The following ARHGAP32 variants were observed in gnomAD, a reference collection of about 807,000 sequenced individuals.
ARHGAP32 encodes rho GTPase-activating protein 32.
ARHGAP32 carries 51 observed loss-of-function variants against 186.5 expected under a neutral mutation model. That is an observed-to-expected ratio of 0.27 (90% confidence interval 0.22 to 0.35). The LOEUF (loss-of-function observed/expected upper bound fraction) is 0.35. Ranked by LOEUF, ARHGAP32 falls within the 10% of genes least tolerant of loss-of-function variation. ARHGAP32 has a pLI of 1.00. For synonymous variants in ARHGAP32, 950 were observed against 964.3 expected (o/e 0.99, Z 0.27); for missense variants, 2,186 against 2,623.5 (o/e 0.83, Z 3.64).
chr11:129,030,457 C>T (rs182338683), intron 11 of ARHGAP32: 7 of 152,068 alleles, frequency 4.6e-5, no homozygotes, highest in Admixed American at 3.9e-4. Flanking sequence ...AAATAAAAGC[C>T]CGGCTGGTCC....
At chr11:129,015,032 C>T (rs1183336822) in intron 11 of ARHGAP32, among the ~76,000 whole-genome samples, 1 of 152,130 alleles carries the variant, frequency 6.6e-6, no homozygotes, top group Non-Finnish European at 1.5e-5. Context: ...GAATTTTTCT[C>T]TAGACAACTA....
intron 1 of ARHGAP32, among the ~76,000 whole-genome samples, chr11:129,208,688 G>C (rs1296647848): frequency 6.8e-6 from 1 of 147,614 alleles, no homozygotes; most frequent in African/African-American, 2.5e-5. Context: ...TTTTGAGACA[G>C]AGTCTTGCTC....
At chr11:129,084,358 A>C (rs1433875917) in intron 6 of ARHGAP32, among the ~76,000 whole-genome samples, 1 of 151,824 alleles carries the variant, frequency 6.6e-6, no homozygotes, top group Non-Finnish European at 1.5e-5. Flanking sequence ...AAAAAAAAAA[A>C]AAAACTACAG....
At chr11:129,052,904 A>G (rs1347584267) in intron 10 of ARHGAP32, among the ~76,000 whole-genome samples, 2 of 152,082 alleles carry the variant, frequency 1.3e-5, no homozygotes, top group Admixed American at 1.3e-4. Flanking sequence ...AGAATGACAA[A>G]AAAGGATTTT....
chr11:129,012,212 T>G (rs1239347244), intron 11 of ARHGAP32, among the ~76,000 whole-genome samples: 1 of 152,222 alleles, frequency 6.6e-6, no homozygotes, highest in East Asian at 1.9e-4. Context: ...TCCTTTACTA[T>G]TGGTAATAAT....
At chr11:129,017,447 CAA>C (rs71472084) in intron 11 of ARHGAP32, among the ~76,000 whole-genome samples, 9 of 89,572 alleles carry the variant, frequency 1.0e-4, no homozygotes, top group Non-Finnish European at 1.6e-4. Flanking sequence ...GACCCGGTCT[CAA>C]AAAAAAAAAA....
chr11:128,982,488 T>C (rs1305025669), intron 15 of ARHGAP32, among the ~76,000 whole-genome samples: 1 of 151,190 alleles, frequency 6.6e-6, no homozygotes, highest in Non-Finnish European at 1.5e-5. Flanking sequence ...TGTGTGTGTG[T>C]GTGTGTGTGT....
chr11:129,062,449 G>GTAAA, intron 9 of ARHGAP32, 92 bp from the exon 10 acceptor site: 1 of 1,046,828 alleles, frequency 9.6e-7, no homozygotes, highest in South Asian at 1.4e-5. Flanking sequence ...GTATGAAAAG[G>GTAAA]TAAAGTACTA....
upstream of ARHGAP32, among the ~76,000 whole-genome samples, chr11:129,196,141 T>A (rs187724032): frequency 3.6e-3 from 543 of 152,288 alleles, 2 homozygotes; most frequent in African/African-American, 0.01. Flanking sequence ...CAGCAACAAT[T>A]TAAACACTGC....
At chr11:129,023,539 T>C (rs1328692579) in intron 11 of ARHGAP32, among the ~76,000 whole-genome samples, 1 of 152,236 alleles carries the variant, frequency 6.6e-6, no homozygotes, top group African/African-American at 2.4e-5. Flanking sequence ...TAAAAACTTT[T>C]ATTATATTAA....
At chr11:129,119,957 A>C (rs544378444) in intron 5 of ARHGAP32, among the ~76,000 whole-genome samples, 3 of 152,138 alleles carry the variant, frequency 2.0e-5, no homozygotes, top group Non-Finnish European at 4.4e-5. Flanking sequence ...ATCCTTGTAG[A>C]GAAGTTTCAG....
chr11:129,203,737 A>C (rs555558477), intron 1 of ARHGAP32, among the ~76,000 whole-genome samples: 1 of 145,456 alleles, frequency 6.9e-6, no homozygotes, highest in African/African-American at 2.5e-5. Flanking sequence ...AAAAAAAAAG[A>C]AAGAAAAAAG....
intron 11 of ARHGAP32, among the ~76,000 whole-genome samples, chr11:129,027,367 AAGTCTTCC>A (rs1318124136): frequency 6.6e-6 from 1 of 152,146 alleles, no homozygotes; most frequent in African/African-American, 2.4e-5. Context: ...AAACTGCTCA[AAGTCTTCC>A]ACTGCCTACC....
chr11:129,158,927 G>A (rs2135473575), intron 2 of ARHGAP32, among the ~76,000 whole-genome samples: 1 of 152,260 alleles, frequency 6.6e-6, no homozygotes, highest in Admixed American at 6.5e-5. Flanking sequence ...ACAACTACAT[G>A]GAAACTGAAC....
intron 1 of ARHGAP32, among the ~76,000 whole-genome samples, chr11:129,198,187 G>C (rs138439758): frequency 1.7e-4 from 26 of 152,216 alleles, no homozygotes; most frequent in Non-Finnish European, 2.6e-4. Context: ...AGTTAAAATG[G>C]CTATCTTAAA....
intron 11 of ARHGAP32, among the ~76,000 whole-genome samples, chr11:129,032,237 C>T (rs1170452701): frequency 2.6e-5 from 4 of 152,210 alleles, no homozygotes; most frequent in African/African-American, 9.7e-5. Context: ...CGCCAAGGGT[C>T]GTGGGTAACT....
At chr11:129,195,410 AC>A (rs111845259), upstream of ARHGAP32, among the ~76,000 whole-genome samples, 25 of 152,274 alleles carry the variant, frequency 1.6e-4, 1 homozygote, top group African/African-American at 6.0e-4. Context: ...GTATTTTTAC[AC>A]AGAATACTGA....
chr11:129,059,496 A>ATTT lies in ARHGAP32; in HGVS notation c.963+2781_963+2783dup, dbSNP rs10677456. On this transcript the variant is annotated intron_variant, in intron 10 of 22. Transcript: ENST00000682385. ...TCCTGCCTTAAAATACTGATTTGCA[A>ATTT]TTTTTTTTTTTTTTTTTTTTTGAGG... 9.9e-4 allele frequency among the ~76,000 whole-genome samples: 115 copies of ATTT among 115,626 alleles called. 2 individuals are homozygous for ATTT. The highest frequency in any genetic ancestry group is 1.7e-3 in the African/African-American group (50 of 29,372). 75.9% of individuals were successfully genotyped at this position (115,626 alleles called of 152,430 possible).
chr11:129,226,295 C>G (rs778739124), intron 1 of ARHGAP32, among the ~76,000 whole-genome samples: 1 of 151,642 alleles, frequency 6.6e-6, no homozygotes, highest in African/African-American at 2.4e-5. Flanking sequence ...AAACAAACTC[C>G]AAGTAGGATA....
Sources: allele counts gnomAD v4.1 joint callset (sites outside exome capture counted in the v4.1 genomes callset), GRCh38; gene constraint gnomAD v4.1.1; transcripts MANE v1.5; gene names NCBI Gene and HGNC (gene_info 2026-07-23, HGNC 2026-07-21).